The following SHANK2 variants were observed in gnomAD, a reference collection of about 807,000 sequenced individuals.
The protein encoded by SHANK2 is SH3 and multiple ankyrin repeat domains 2.
In SHANK2, 43 loss-of-function variants were observed where a neutral mutation model predicts 133.7. The observed-to-expected ratio is 0.32, with a 90% CI of 0.25 to 0.41. SHANK2 has a LOEUF of 0.41. Ranked by LOEUF, SHANK2 falls within the 10% of genes least tolerant of loss-of-function variation. SHANK2 has a pLI of 1.00. For missense variants in SHANK2, 1,994 were observed against 2,235.8 expected (o/e 0.89, Z 2.18); for synonymous variants, 1,017 against 952.8 (o/e 1.07, Z -1.24).
At chr11:71,176,380 C>G (rs544243764) in intron 2 of SHANK2, among the ~76,000 whole-genome samples, 1 of 152,004 alleles carries the variant, frequency 6.6e-6, no homozygotes, top group African/African-American at 2.4e-5. Context: ...ATCACACATG[C>G]AAAGAAGAAA....
intron 11 of SHANK2, among the ~76,000 whole-genome samples, chr11:70,824,262 C>T (rs575238100): frequency 5.9e-5 from 9 of 152,204 alleles, no homozygotes; most frequent in African/African-American, 1.4e-4. Context: ...CTGCGCAAAG[C>T]GTCCTGAGGT....
chr11:71,137,476 C>G (rs185453744), intron 3 of SHANK2, among the ~76,000 whole-genome samples: 8 of 151,946 alleles, frequency 5.3e-5, no homozygotes, highest in Admixed American at 2.0e-4. Context: ...GCCCAGCCCC[C>G]CCAAAGGAGG....
rs782037913 is a variant in SHANK2 at position 70,500,708 on chromosome 11, G to A, written c.2288-118C>T. 9 of 1,327,464 alleles carry A rather than the reference G, an allele frequency of 6.8e-6. No homozygotes were observed. Among genetic ancestry groups the A allele is most frequent in the East Asian group, 2.5e-5 (1 of 39,906 alleles). 82.2% of individuals were successfully genotyped at this position (1,327,464 alleles called of 1,614,324 possible). On this transcript the variant is annotated intron_variant, in intron 20 of 25. Transcript: ENST00000601538. This position sits in a 1 kb window ranked among gnomAD's most constrained non-coding sequence, Gnocchi z 4.5. Reference sequence around the variant, plus strand: ...GAGCAGGCTGGGCCGGCAATGGGGCGGCAGGCAGGGGCTGTCTGGAACGCT... The same window carrying A: ...GAGCAGGCTGGGCCGGCAATGGGGCAGCAGGCAGGGGCTGTCTGGAACGCT...
intron 10 of SHANK2, among the ~76,000 whole-genome samples, chr11:70,933,528 T>A (rs1403279554): frequency 6.6e-6 from 1 of 152,224 alleles, no homozygotes; most frequent in African/African-American, 2.4e-5. Context: ...TATGTGTATT[T>A]GACTACAGTT....
chr11:71,184,784 C>T (rs1257504952), intron 2 of SHANK2, among the ~76,000 whole-genome samples: 1 of 152,194 alleles, frequency 6.6e-6, no homozygotes, highest in Non-Finnish European at 1.5e-5. Context: ...TCTGGGTCAG[C>T]ATGTAGATGC....
At chr11:70,531,223 G>T (rs1426467395) in intron 17 of SHANK2, among the ~76,000 whole-genome samples, 1 of 147,924 alleles carries the variant, frequency 6.8e-6, no homozygotes, top group Non-Finnish European at 1.5e-5. Context: ...ATTTTACTAT[G>T]ATTTAAAATA....
intron 17 of SHANK2, among the ~76,000 whole-genome samples, chr11:70,576,064 A>G (rs2060112338): frequency 6.6e-6 from 1 of 152,014 alleles, no homozygotes; most frequent in Non-Finnish European, 1.5e-5. Context: ...TCTCCCCACA[A>G]GGAGAGCATT....
chr11:70,736,108 A>G (rs1056332308), intron 14 of SHANK2, among the ~76,000 whole-genome samples: 1 of 151,404 alleles, frequency 6.6e-6, no homozygotes, highest in Non-Finnish European at 1.5e-5. Flanking sequence ...ACAAGAACCC[A>G]GCCAAGCCCA....
chr11:70,621,226 G>A (rs2060825133), intron 17 of SHANK2, among the ~76,000 whole-genome samples: 2 of 152,184 alleles, frequency 1.3e-5, no homozygotes, highest in Non-Finnish European at 2.9e-5. Flanking sequence ...TGTCCAAGGG[G>A]CAGTCCTAGA....
chr11:70,835,973 G>A lies in SHANK2; in HGVS notation c.1175-15291C>T, dbSNP rs368294740. Among the ~76,000 whole-genome samples, 6 of 152,264 alleles carry A rather than the reference G, an allele frequency of 3.9e-5. No homozygotes were observed. The East Asian group carries it at 9.7e-4, about 25-fold the overall frequency. The stretch of plus-strand genomic sequence containing the variant: ...CCACTGCACCCCGAGCAGGGCAGCA[G>A]CTCTCCCTGTCTCAAGCCACACTGG... On this transcript the variant is annotated intron_variant, in intron 11 of 25. Transcript: ENST00000601538.
At chr11:70,710,646 C>T (rs192777491) in intron 14 of SHANK2, among the ~76,000 whole-genome samples, 172 of 152,276 alleles carry the variant, frequency 1.1e-3, no homozygotes, top group African/African-American at 2.5e-3. Context: ...AAGGGGAAGT[C>T]GGAGAGACTA....
intron 17 of SHANK2, among the ~76,000 whole-genome samples, chr11:70,560,377 G>C (rs1440848706): frequency 6.6e-6 from 1 of 151,876 alleles, no homozygotes; most frequent in Non-Finnish European, 1.5e-5. Context: ...TGAGAGAAAT[G>C]GAAGATCTCA....
intron 10 of SHANK2, among the ~76,000 whole-genome samples, chr11:70,939,064 AG>A (rs1950609496): frequency 1.3e-5 from 2 of 149,510 alleles, no homozygotes; most frequent in Admixed American, 1.3e-4. Context: ...GACCTTCCAA[AG>A]GGAGATGACA....
chr11:71,189,009 GTCACAGCAA>G (rs1555114927), intron 2 of SHANK2, among the ~76,000 whole-genome samples: 1 of 152,212 alleles, frequency 6.6e-6, no homozygotes, highest in Non-Finnish European at 1.5e-5. Flanking sequence ...CAACAGCCAG[GTCACAGCAA>G]CCACAGACGG....
chr11:71,140,116 A>C (rs1555105493), intron 3 of SHANK2, among the ~76,000 whole-genome samples: 1 of 152,116 alleles, frequency 6.6e-6, no homozygotes, highest in Non-Finnish European at 1.5e-5. Flanking sequence ...CCCACAAGGG[A>C]TTTCTCACAC....
At chr11:70,841,974 C>T (rs1286052257) in intron 11 of SHANK2, among the ~76,000 whole-genome samples, 1 of 152,092 alleles carries the variant, frequency 6.6e-6, no homozygotes, top group African/African-American at 2.4e-5. Context: ...CTGTCACTGC[C>T]CTTATTCCTG....
chr11:70,504,612 T>TA (rs1162076383), intron 17 of SHANK2, among the ~76,000 whole-genome samples: 2 of 152,168 alleles, frequency 1.3e-5, no homozygotes, highest in Non-Finnish European at 2.9e-5. Context: ...GCCCTGAAGA[T>TA]AGAGTCTTGG....
At chr11:71,134,691 C>T (rs577446125) in intron 3 of SHANK2, among the ~76,000 whole-genome samples, 82 of 152,210 alleles carry the variant, frequency 5.4e-4, no homozygotes, top group Non-Finnish European at 1.1e-3. Context: ...CCACCCGCCT[C>T]GGCCTCCCAA....
At chr11:70,829,505 G>A (rs973674829) in intron 11 of SHANK2, among the ~76,000 whole-genome samples, 2 of 151,932 alleles carry the variant, frequency 1.3e-5, no homozygotes, top group Non-Finnish European at 2.9e-5. Flanking sequence ...CCTCTGCCCC[G>A]CCCACCCCCA....
Sources: allele counts gnomAD v4.1 joint callset (sites outside exome capture counted in the v4.1 genomes callset), GRCh38; gene constraint gnomAD v4.1.1; non-coding constraint Gnocchi (gnomAD v3.1); transcripts MANE v1.5; gene names NCBI Gene and HGNC (gene_info 2026-07-23, HGNC 2026-07-21).